The following ZBTB38 variants were observed in gnomAD, a reference collection of about 807,000 sequenced individuals.
ZBTB38 encodes the protein zinc finger and BTB domain-containing protein 38.
Under a neutral mutation model 76.8 loss-of-function variants are expected in ZBTB38, and 20 were observed. The ratio of observed to expected loss-of-function variants is 0.26; its 90% CI spans 0.18 to 0.38. The LOEUF (loss-of-function observed/expected upper bound fraction) is 0.38, where lower values mean the gene tolerates loss of function less well. Among genes scored for constraint, ZBTB38 ranks in the 10% least tolerant of loss-of-function variants. The pLI is 1.00. For synonymous variants in ZBTB38, 504 were observed against 544.2 expected (o/e 0.93, Z 1.03); for missense variants, 1,082 against 1,482.3 (o/e 0.73, Z 4.43).
At chr3:141,408,405 G>A (rs1376790539) in intron 5 of ZBTB38, among the ~76,000 whole-genome samples, 2 of 152,176 alleles carry the variant, frequency 1.3e-5, no homozygotes, top group Non-Finnish European at 2.9e-5. Context: ...AAATTAGCCA[G>A]GCATGGTGGC....
chr3:141,439,567 G>A (rs1455141164), intron 5 of ZBTB38, among the ~76,000 whole-genome samples: 1 of 152,194 alleles, frequency 6.6e-6, no homozygotes, highest in African/African-American at 2.4e-5. Flanking sequence ...TTGGGGCTTT[G>A]TATATTATAA....
At chr3:141,387,116 T>A (rs186258981) in intron 4 of ZBTB38, 179 bp downstream of exon 4, 133 of 152,682 alleles carry the variant, frequency 8.7e-4, no homozygotes, top group African/African-American at 3.2e-3. Flanking sequence ...GTAAATGCTC[T>A]GTATGCCATA....
rs545498618 is a variant in ZBTB38, at chr3:141,413,186, G to A, written c.-1+9155G>A. On this transcript the variant is annotated intron_variant, in intron 5 of 5. Transcript: ENST00000321464. This position sits in a 1 kb window ranked among gnomAD's most constrained non-coding sequence, Gnocchi z 4.1. ...GCCCAGGCCCATACAGATGATCTCT[G>A]TACGCTGGTATTTTGCGCCTGGAGC... 1.8e-4 allele frequency among the ~76,000 whole-genome samples: 28 copies of A among 152,330 alleles called. No individual in the cohort carries two copies. In the South Asian group the frequency reaches 4.4e-3, roughly 24 times the overall value.
Position 141,449,747 on chromosome 3 carries a change from T to C in ZBTB38, c.*3771T>C, listed in dbSNP as rs2081361859. 1 of 152,228 alleles carries C rather than the reference T, an allele frequency of 6.6e-6. No homozygotes were observed. The highest frequency in any genetic ancestry group is 1.5e-5 in the Non-Finnish European group (1 of 68,048). The allele number at this position is 152,228 out of a possible 1,614,324, so 9.4% of individuals were successfully genotyped here. On this transcript the variant is annotated 3_prime_UTR_variant, in exon 6 of 6. Coordinates refer to ENST00000321464, the MANE Select transcript of ZBTB38 (RefSeq NM_001376113.1). ...ATGTACAAGAACAACAGATTTAATA[T>C]TGAAAGCATCTGTAACAATTGGGAA...
At chr3:141,374,646 A>AAAATTGTT (rs1360824382) in intron 2 of ZBTB38, among the ~76,000 whole-genome samples, 1 of 152,210 alleles carries the variant, frequency 6.6e-6, no homozygotes, top group Admixed American at 6.5e-5. Context: ...CAAAATGTTA[A>AAAATTGTT]AAATTGTTGA....
intron 1 of ZBTB38, among the ~76,000 whole-genome samples, chr3:141,327,556 G>C (rs1283231281): frequency 5.3e-5 from 8 of 152,320 alleles, no homozygotes; most frequent in Non-Finnish European, 1.2e-4. Flanking sequence ...GTGAGAAACT[G>C]TCAAAGCCCA....
At chr3:141,329,630 G>A (rs1942784244) in intron 1 of ZBTB38, among the ~76,000 whole-genome samples, 2 of 152,232 alleles carry the variant, frequency 1.3e-5, no homozygotes, top group South Asian at 4.1e-4. Context: ...GGGACCCAGA[G>A]GTTAGGGACA....
intron 5 of ZBTB38, among the ~76,000 whole-genome samples, chr3:141,439,232 A>AC (rs2079544929): frequency 6.6e-6 from 1 of 152,112 alleles, no homozygotes; most frequent in Admixed American, 6.6e-5. Context: ...TAACTCTAGC[A>AC]CCCAAGTACT....
intron 5 of ZBTB38, among the ~76,000 whole-genome samples, chr3:141,418,317 TC>T (rs1400590862): frequency 6.6e-6 from 1 of 152,208 alleles, no homozygotes; most frequent in Non-Finnish European, 1.5e-5. Context: ...TCATTCTATT[TC>T]ATACCTTCCT....
chr3:141,399,965 G>A lies in ZBTB38; in HGVS notation c.-105-3962G>A, dbSNP rs534427979. On this transcript the variant is annotated intron_variant, in intron 4 of 5. Transcript: ENST00000321464. ...GGTGGAAATTTAAGAATTTAAGAGA[G>A]GAGATAATCTTGAAAGTCTTGCTTT... Among the ~76,000 whole-genome samples, 4 of 148,560 alleles carry A rather than the reference G, an allele frequency of 2.7e-5. No homozygotes were observed. In the South Asian group the frequency reaches 8.6e-4, roughly 32 times the overall value.
chr3:141,426,930 T>C (rs1214126188), intron 5 of ZBTB38, among the ~76,000 whole-genome samples: 1 of 152,178 alleles, frequency 6.6e-6, no homozygotes. Flanking sequence ...TGTTTTATCT[T>C]ATGCAGCTCA....
chr3:141,357,857 A>G (rs1943711596), intron 1 of ZBTB38, among the ~76,000 whole-genome samples: 2 of 152,236 alleles, frequency 1.3e-5, no homozygotes, highest in South Asian at 4.1e-4. Flanking sequence ...ATGCAGAGGT[A>G]AGACCCTTAA....
rs1576670076 is a variant in ZBTB38 at position 141,354,402 on chromosome 3, A to G, written c.-738-14219A>G. On this transcript the variant is annotated intron_variant, in intron 1 of 7. Transcript: ENST00000509842. ...ATTGCTTCCAACATGCTGCCTCGCA[A>G]TCAGGTGGTGGCCATTCTCATCTCT... 4.6e-5 allele frequency among the ~76,000 whole-genome samples: 7 copies of G among 152,192 alleles called. 1 individual carries two copies. Among genetic ancestry groups the G allele is most frequent in the Admixed American group, 4.6e-4 (7 of 15,280 alleles).
chr3:141,443,134 G>A lies in ZBTB38; in HGVS notation c.746G>A (p.Gly249Glu), dbSNP rs1239293413. 3.1e-6 allele frequency: 5 copies of A among 1,614,186 alleles called. No individual in the cohort carries two copies. Among genetic ancestry groups the A allele is most frequent in the Non-Finnish European group, 4.2e-6 (5 of 1,180,040 alleles). ...EHDGSSPGNT[G>E]KENCEALAAK... Reference sequence around the variant, plus strand: ...GATGGCAGTTCACCTGGTAACACAGGGAAAGAAAATTGTGAAGCCCTTGCA... The same window carrying A: ...GATGGCAGTTCACCTGGTAACACAGAGAAAGAAAATTGTGAAGCCCTTGCA... Residue 249 changes from glycine (G) to glutamate (E), a missense_variant, in exon 6 of 6, where the codon GGG becomes GAG. Physicochemically the swap from Gly to Glu is moderately conservative, Grantham distance 98. This residue lies in a region of ZBTB38 where 324 missense variants were observed against 359.1 expected (regional missense o/e 0.90). Transcript: ENST00000321464. This position sits in a 1 kb window ranked among gnomAD's most constrained non-coding sequence, Gnocchi z 5.6.
At chr3:141,347,904 A>C (rs1943410910) in intron 1 of ZBTB38, among the ~76,000 whole-genome samples, 1 of 152,192 alleles carries the variant, frequency 6.6e-6, no homozygotes, top group South Asian at 2.1e-4. Flanking sequence ...TGTGTAACCA[A>C]GTCTCTATAT....
intron 5 of ZBTB38, among the ~76,000 whole-genome samples, chr3:141,431,378 G>A (rs1246249067): frequency 7.0e-6 from 1 of 143,536 alleles, no homozygotes; most frequent in East Asian, 2.1e-4. Context: ...CTGAGTGTCA[G>A]TGGAATTTGG....
chr3:141,354,170 C>A (rs1943595741), intron 1 of ZBTB38, among the ~76,000 whole-genome samples: 1 of 152,024 alleles, frequency 6.6e-6, no homozygotes. Flanking sequence ...TAAAAAATAC[C>A]ATAAACGTTA....
chr3:141,407,928 C>T (rs1219374761), intron 5 of ZBTB38, among the ~76,000 whole-genome samples: 1 of 152,198 alleles, frequency 6.6e-6, no homozygotes, highest in East Asian at 1.9e-4. Flanking sequence ...ATTGCACCCT[C>T]CCACCCCGCA....
At chr3:141,363,796 T>A (rs1476722963), upstream of ZBTB38, among the ~76,000 whole-genome samples, 1 of 152,150 alleles carries the variant, frequency 6.6e-6, no homozygotes, top group Non-Finnish European at 1.5e-5. Flanking sequence ...TGAATGTGGA[T>A]CCCTACCTCA....
Sources: allele counts gnomAD v4.1 joint callset (sites outside exome capture counted in the v4.1 genomes callset), GRCh38; gene constraint gnomAD v4.1.1; regional missense constraint gnomAD v4.1.1; non-coding constraint Gnocchi (gnomAD v3.1); transcripts MANE v1.5; gene names NCBI Gene and HGNC (gene_info 2026-07-23, HGNC 2026-07-21).